STK39: variants seen among roughly 807,000 people sequenced by gnomAD.
STK39 encodes STE20/SPS1-related proline-alanine-rich protein kinase.
Under a neutral mutation model 77.8 loss-of-function variants are expected in STK39, and 20 were observed. That is an observed-to-expected ratio of 0.26 (90% CI 0.18 to 0.37). STK39 has a LOEUF of 0.37. Ranked by LOEUF, STK39 falls within the 10% of genes least tolerant of loss-of-function variation. STK39 has a pLI of 1.00. For missense variants in STK39, 479 were observed against 656.5 expected (o/e 0.73, Z 2.95); for synonymous variants, 246 against 234.1 (o/e 1.05, Z -0.47).
At chr2:168,036,109 C>T (rs566771692) in intron 14 of STK39, among the ~76,000 whole-genome samples, 2 of 152,222 alleles carry the variant, frequency 1.3e-5, no homozygotes, top group Admixed American at 6.5e-5. Flanking sequence ...TTAAGTCAGA[C>T]ATGGCCAGAT....
At chr2:168,127,397 C>T (rs1467907889) in intron 10 of STK39, among the ~76,000 whole-genome samples, 1 of 152,202 alleles carries the variant, frequency 6.6e-6, no homozygotes, top group African/African-American at 2.4e-5. Flanking sequence ...GATTCACCTG[C>T]CTCGGCCTCC....
chr2:168,138,204 C>A lies in STK39; in HGVS notation c.858G>T (p.Leu286Phe). The A allele has an allele frequency of 6.2e-7, 1 of 1,612,582 alleles. No homozygotes were observed. Among genetic ancestry groups the A allele is most frequent in the Non-Finnish European group, 8.5e-7 (1 of 1,179,228 alleles). ...YPPMKVLMLT[L>F]QNDPPTLETG... is the part of the protein sequence containing the mutation. ...TTTCCAAAGTGGGTGGATCATTTTG[C>A]AAAGTCAACATTAACACCTGCAGCA... is the stretch of plus-strand genomic sequence containing the variant. The change falls in exon 8 of 18, where the codon TTG (leucine) becomes TTT (phenylalanine). Residue 286 changes from leucine (L) to phenylalanine (F), a missense_variant. Physicochemically the swap from Leu to Phe is conservative, Grantham distance 22 (BLOSUM62 0). This residue lies in a region of STK39 where 139 missense variants were observed against 280.6 expected (regional missense o/e 0.50). Transcript: ENST00000355999.
intron 14 of STK39, among the ~76,000 whole-genome samples, chr2:168,045,898 G>A (rs1340162011): frequency 6.6e-6 from 1 of 152,186 alleles, no homozygotes; most frequent in Non-Finnish European, 1.5e-5. Flanking sequence ...GGTCTAGGGT[G>A]TGTACTGAGG....
chr2:167,975,245 A>ATCC (rs1368655968), intron 16 of STK39, among the ~76,000 whole-genome samples: 2 of 152,194 alleles, frequency 1.3e-5, no homozygotes. Flanking sequence ...TTGGTATCAT[A>ATCC]TCCTAGGCAA....
chr2:168,169,038 T>G (rs984557327), intron 2 of STK39, among the ~76,000 whole-genome samples: 16 of 152,322 alleles, frequency 1.1e-4, no homozygotes, highest in Admixed American at 9.2e-4. Context: ...GATAAACTCC[T>G]TAGAAACTAC....
In STK39 at chr2:168,129,637, A is replaced by G. The variant is rs1438652841; in HGVS notation, c.1024-31T>C. The G allele has an allele frequency of 1.9e-6, 3 of 1,613,938 alleles. No individual in the cohort carries two copies. The Admixed American group carries it at 5.0e-5, about 27-fold the overall frequency. On this transcript the variant is annotated intron_variant, in intron 9 of 17. Transcript: ENST00000355999. ...AAACAAATATTCCCAACAGTTTAAC[A>G]TCAAATATGATACACATAAATACAC...
At chr2:168,169,599 C>G (rs1018656528) in intron 2 of STK39, among the ~76,000 whole-genome samples, 1 of 151,078 alleles carries the variant, frequency 6.6e-6, no homozygotes, top group African/African-American at 2.4e-5. Context: ...ACTTCCCACC[C>G]AAAGTATCAG....
intron 5 of STK39, among the ~76,000 whole-genome samples, chr2:168,151,035 G>A (rs1176474947): frequency 6.6e-6 from 1 of 151,924 alleles, no homozygotes; most frequent in African/African-American, 2.4e-5. Flanking sequence ...ATATGCCATG[G>A]GCCCCAACCA....
intron 1 of STK39, among the ~76,000 whole-genome samples, chr2:168,245,443 TAAC>T (rs1690873342): frequency 6.6e-6 from 1 of 152,162 alleles, no homozygotes; most frequent in African/African-American, 2.4e-5. Flanking sequence ...GTTGCGCAAA[TAAC>T]AACTATGAGG....
chr2:168,223,357 A>T (rs1431968042), intron 1 of STK39, among the ~76,000 whole-genome samples: 2 of 151,796 alleles, frequency 1.3e-5, no homozygotes, highest in East Asian at 3.9e-4. Context: ...TAAAAATACT[A>T]AAAAATTAGC....
intron 1 of STK39, among the ~76,000 whole-genome samples, chr2:168,211,363 G>C (rs1475942093): frequency 1.3e-5 from 2 of 152,168 alleles, no homozygotes; most frequent in Admixed American, 1.3e-4. Context: ...GGAAGTAGTA[G>C]TAATTATTTA....
chr2:168,075,324 C>A, intron 10 of STK39, 93 bp from the exon 11 acceptor site: 1 of 1,537,664 alleles, frequency 6.5e-7, no homozygotes, highest in South Asian at 1.2e-5. Flanking sequence ...TACACACCAA[C>A]CTGAAAATAA....
At chr2:168,058,426 A>G (rs1317780758) in intron 14 of STK39, among the ~76,000 whole-genome samples, 1 of 152,036 alleles carries the variant, frequency 6.6e-6, no homozygotes, top group Admixed American at 6.6e-5. Context: ...TCTCTTCTCT[A>G]CCTTCACTTA....
In STK39 at chr2:168,122,251, G is replaced by A. The variant is rs549950595; in HGVS notation, c.1089+7290C>T. Among the ~76,000 whole-genome samples the A allele has an allele frequency of 3.9e-4, 60 of 152,184 alleles. No homozygotes were observed. In the South Asian group the frequency reaches 0.012, roughly 30 times the overall value. ...TTCTTTGTGTCCATGTTTACTCAGT[G>A]CTTAATTCCTACTTATAAGTGAGAA... On this transcript the variant is annotated intron_variant, in intron 10 of 17. Coordinates refer to ENST00000355999, the MANE Select transcript of STK39 (RefSeq NM_013233.3).
intron 12 of STK39, among the ~76,000 whole-genome samples, chr2:168,067,140 G>A (rs1489884702): frequency 1.3e-5 from 2 of 152,140 alleles, no homozygotes; most frequent in African/African-American, 2.4e-5. Flanking sequence ...AAGAATCACT[G>A]GAACCCAGAA....
chr2:168,181,106 T>C (rs1445711374), intron 2 of STK39, among the ~76,000 whole-genome samples: 1 of 152,246 alleles, frequency 6.6e-6, no homozygotes, highest in Non-Finnish European at 1.5e-5. Context: ...GTCATTATAC[T>C]TTGTAGCTTG....
intron 1 of STK39, among the ~76,000 whole-genome samples, chr2:168,224,666 G>C (rs1260809415): frequency 1.3e-5 from 2 of 152,174 alleles, no homozygotes; most frequent in South Asian, 2.1e-4. Context: ...CTAATAAGGA[G>C]CACTGCATAG....
intron 16 of STK39, among the ~76,000 whole-genome samples, chr2:167,978,514 G>A (rs16854427): frequency 0.037 from 5,583 of 152,180 alleles, 360 homozygotes; most frequent in African/African-American, 0.13. Context: ...GTGGGGCCAC[G>A]TCCTTTGAAA....
Position 168,247,448 on chromosome 2 carries a change from G to T in STK39, c.-13C>A. The T allele has an allele frequency of 1.5e-6, 2 of 1,299,384 alleles. No individual in the cohort carries two copies. The highest frequency in any genetic ancestry group is 2.0e-6 in the Non-Finnish European group (2 of 1,010,896). The allele number at this position is 1,299,384 out of a possible 1,614,324, so 80.5% of individuals were successfully genotyped here. On this transcript the variant is annotated 5_prime_UTR_variant, in exon 1 of 18. Coordinates refer to ENST00000355999, the MANE Select transcript of STK39 (RefSeq NM_013233.3). ...TCGGCTCCGCCATGATGCTGCGGAG[G>T]AGAGCAGGAGGACGCGCCGGCCGAC...
Sources: gnomAD v4.1 joint callset for allele counts (sites outside exome capture counted in the v4.1 genomes callset) on GRCh38, gnomAD v4.1.1 for gene constraint, gnomAD v4.1.1 regional missense constraint, MANE v1.5 for transcripts, NCBI Gene and HGNC (gene_info 2026-07-23, HGNC 2026-07-21) for gene names.